Variants in TBL1XR1 observed in about 807,000 individuals in gnomAD.
TBL1XR1 encodes the protein TBL1X/Y related 1.
A neutral mutation model predicts 66.9 loss-of-function variants in TBL1XR1; 5 were observed. The observed-to-expected ratio is 0.07, with a 90% CI of 0.04 to 0.16. The LOEUF is 0.16. Among genes scored for constraint, TBL1XR1 ranks in the 10% least tolerant of loss-of-function variants. TBL1XR1 has a pLI of 1.00. For synonymous variants in TBL1XR1, 210 were observed against 206.0 expected (o/e 1.02, Z -0.17); for missense variants, 238 against 623.2 (o/e 0.38, Z 6.58).
At chr3:177,161,638 G>C (rs956199395) in intron 1 of TBL1XR1, among the ~76,000 whole-genome samples, 1 of 152,038 alleles carries the variant, frequency 6.6e-6, no homozygotes, top group African/African-American at 2.4e-5. Context: ...ATAAAAATTA[G>C]CCAGGCATGA....
At chr3:177,132,608 T>C (rs1342947144) in intron 1 of TBL1XR1, among the ~76,000 whole-genome samples, 3 of 152,076 alleles carry the variant, frequency 2.0e-5, no homozygotes, top group Non-Finnish European at 2.9e-5. Flanking sequence ...AATGATACGA[T>C]AGTGGAAAGT....
chr3:177,131,225 T>C (rs1406083722), intron 1 of TBL1XR1: 1 of 417,244 alleles, frequency 2.4e-6, no homozygotes, highest in Non-Finnish European at 3.2e-6. Flanking sequence ...ACATACTGAA[T>C]GCCTAACTCT....
chr3:177,057,160 T>A (rs1332136762), intron 3 of TBL1XR1, among the ~76,000 whole-genome samples: 1 of 152,222 alleles, frequency 6.6e-6, no homozygotes, highest in Non-Finnish European at 1.5e-5. Context: ...GCAAATTACA[T>A]CTAACATCTT....
chr3:177,188,386 A>G (rs370785360), intron 1 of TBL1XR1, among the ~76,000 whole-genome samples: 2 of 152,084 alleles, frequency 1.3e-5, no homozygotes, highest in South Asian at 2.1e-4. Flanking sequence ...CATCTCTACT[A>G]AAAATACAAA....
chr3:177,111,699 G>A (rs1363463587), intron 1 of TBL1XR1, among the ~76,000 whole-genome samples: 1 of 152,056 alleles, frequency 6.6e-6, no homozygotes, highest in Non-Finnish European at 1.5e-5. Flanking sequence ...CCCAAACCAG[G>A]TGCAGTTCAC....
chr3:177,058,287 T>A (rs1013748862), intron 3 of TBL1XR1, among the ~76,000 whole-genome samples: 1 of 152,106 alleles, frequency 6.6e-6, no homozygotes, highest in African/African-American at 2.4e-5. Flanking sequence ...TGACTCCAAC[T>A]CTGCCCTACA....
At chr3:177,030,813 A>G (rs1434723604) in intron 14 of TBL1XR1, among the ~76,000 whole-genome samples, 4 of 152,324 alleles carry the variant, frequency 2.6e-5, no homozygotes, top group African/African-American at 9.6e-5. Context: ...TCAGTTTTAA[A>G]AAGTTTAGTT....
At chr3:177,107,452 A>T (rs1242912811) in intron 1 of TBL1XR1, among the ~76,000 whole-genome samples, 1 of 152,218 alleles carries the variant, frequency 6.6e-6, no homozygotes, top group Non-Finnish European at 1.5e-5. Flanking sequence ...CATTCCAATC[A>T]AAATAGCTGC....
At chr3:177,161,447 A>T in intron 1 of TBL1XR1, among the ~76,000 whole-genome samples, 1 of 152,146 alleles carries the variant, frequency 6.6e-6, no homozygotes, top group East Asian at 1.9e-4. Context: ...ATGCAAGTAA[A>T]AGATTCTGAA....
At chr3:177,130,643 C>G (rs994479796) in intron 1 of TBL1XR1, among the ~76,000 whole-genome samples, 1 of 152,118 alleles carries the variant, frequency 6.6e-6, no homozygotes, top group Non-Finnish European at 1.5e-5. Context: ...GCTGTATACA[C>G]TTTTGTACTT....
upstream of TBL1XR1, among the ~76,000 whole-genome samples, chr3:177,201,046 C>T (rs1037830978): frequency 1.3e-5 from 2 of 151,720 alleles, no homozygotes; most frequent in Admixed American, 6.6e-5. Flanking sequence ...TAGCTAATTA[C>T]TCAATGAAGA....
At chr3:177,195,126 C>CA (rs200675838) in intron 1 of TBL1XR1, among the ~76,000 whole-genome samples, 4 of 150,264 alleles carry the variant, frequency 2.7e-5, no homozygotes, top group Middle Eastern at 3.4e-3. Flanking sequence ...ACTCAAACGT[C>CA]AAAAAAAATA....
intron 1 of TBL1XR1, among the ~76,000 whole-genome samples, chr3:177,166,774 T>C (rs1216652056): frequency 3.3e-5 from 5 of 152,138 alleles, no homozygotes; most frequent in East Asian, 1.9e-4. Context: ...CATTAGGGGA[T>C]TGCAAATTTA....
At chr3:177,181,172 GT>G (rs1192131457) in intron 1 of TBL1XR1, among the ~76,000 whole-genome samples, 1 of 152,056 alleles carries the variant, frequency 6.6e-6, no homozygotes, top group Non-Finnish European at 1.5e-5. Context: ...CTCCAACTCT[GT>G]CTTGTCGCAA....
chr3:177,061,880 C>CCA lies in TBL1XR1; in HGVS notation c.58+3038_58+3039dup, dbSNP rs1385963929. Reference sequence around the variant, plus strand: ...GAATTAGGACCTATTGCAAAAGTAGCCACATTTAAGTATAATTGGAGATCA... The same window carrying CCA: ...GAATTAGGACCTATTGCAAAAGTAGCCACACATTTAAGTATAATTGGAGATCA... On this transcript the variant is annotated intron_variant, in intron 3 of 15. Transcript: ENST00000457928. 4.6e-5 allele frequency among the ~76,000 whole-genome samples: 7 copies of CCA among 152,182 alleles called. No homozygotes were observed. The East Asian group carries it at 1.4e-3, about 29-fold the overall frequency.
chr3:177,125,109 G>C (rs771694815), intron 1 of TBL1XR1, among the ~76,000 whole-genome samples: 2 of 151,610 alleles, frequency 1.3e-5, no homozygotes, highest in African/African-American at 2.4e-5. Flanking sequence ...CATTTCAAAA[G>C]ACAACATCAA....
chr3:177,092,218 T>G (rs1001948767), intron 2 of TBL1XR1, among the ~76,000 whole-genome samples: 10 of 152,166 alleles, frequency 6.6e-5, no homozygotes, highest in African/African-American at 2.4e-4. Context: ...TTAGAGGTAT[T>G]CCATCTATAC....
chr3:177,168,808 G>A (rs1458568498), intron 1 of TBL1XR1, among the ~76,000 whole-genome samples: 2 of 151,974 alleles, frequency 1.3e-5, no homozygotes, highest in Admixed American at 6.6e-5. Context: ...AAGCCTAAAA[G>A]CTGCATTATT....
intron 1 of TBL1XR1, among the ~76,000 whole-genome samples, chr3:177,132,255 G>T (rs1247579944): frequency 6.6e-6 from 1 of 152,164 alleles, no homozygotes; most frequent in African/African-American, 2.4e-5. Context: ...TCCACTATGG[G>T]ATCCCTGGTT....
Sources: gnomAD v4.1 joint callset for allele counts (sites outside exome capture counted in the v4.1 genomes callset) on GRCh38, gnomAD v4.1.1 for gene constraint, MANE v1.5 for transcripts, NCBI Gene and HGNC (gene_info 2026-07-23, HGNC 2026-07-21) for gene names.